SAMD5: variants seen among roughly 807,000 people sequenced by gnomAD.
SAMD5 encodes the protein sterile alpha motif domain-containing protein 5.
SAMD5 carries 13 observed loss-of-function variants against 11.3 expected under a neutral mutation model. That is an observed-to-expected ratio of 1.15 (90% CI 0.75 to 1.83). The LOEUF (loss-of-function observed/expected upper bound fraction) is 1.83. SAMD5 is among the 40% of genes most tolerant of loss of function. The pLI, the probability that SAMD5 is intolerant of heterozygous loss-of-function variation, is 0.00. For missense variants in SAMD5, 255 were observed against 239.1 expected, an observed-to-expected ratio of 1.07 and a Z score of -0.44; for synonymous variants, 129 against 111.3, an observed-to-expected ratio of 1.16 and a Z score of -1.00.
chr6:147,656,044 A>C (rs2128453839), intron 1 of SAMD5, among the ~76,000 whole-genome samples: 1 of 152,322 alleles, frequency 6.6e-6, no homozygotes, highest in Admixed American at 6.5e-5. Context: ...ATGGATCAAA[A>C]TCCAGTATAA....
At chr6:147,624,509 T>G (rs1790021753) in intron 1 of SAMD5, among the ~76,000 whole-genome samples, 2 of 152,258 alleles carry the variant, frequency 1.3e-5, no homozygotes, top group Non-Finnish European at 2.9e-5. Context: ...CCTGAGTTAC[T>G]TCACTTAGAA....
intron 1 of SAMD5, among the ~76,000 whole-genome samples, chr6:147,594,313 G>A (rs1789498156): frequency 6.6e-6 from 1 of 152,140 alleles, no homozygotes; most frequent in Non-Finnish European, 1.5e-5. Context: ...TTAGGTAAGA[G>A]CAGAACGTGG....
chr6:147,565,394 G>T lies in SAMD5; in HGVS notation c.*938G>T. 1.0e-6 allele frequency: 1 copy of T among 985,558 alleles called. No individual in the cohort carries two copies. Among genetic ancestry groups the T allele is most frequent in the Non-Finnish European group, 1.2e-6 (1 of 829,776 alleles). The allele number at this position is 985,558 out of a possible 1,614,324, so 61.1% of individuals were successfully genotyped here. A position where few individuals can be genotyped will look rare whatever the true frequency, so the allele number is the denominator to read the frequency against. On this transcript the variant is annotated 3_prime_UTR_variant, in exon 2 of 2. Coordinates refer to ENST00000367474, the MANE Select transcript of SAMD5 (RefSeq NM_001030060.3). Reference sequence around the variant, plus strand: ...AAGAAAGTAGATTGAGGTGGGGGGAGGAAATTAACAGGAATCTAGAGTTTT... The same window carrying T: ...AAGAAAGTAGATTGAGGTGGGGGGATGAAATTAACAGGAATCTAGAGTTTT...
the SAMD5 span, among the ~76,000 whole-genome samples, chr6:147,874,252 C>A: frequency 6.6e-6 from 1 of 152,108 alleles, no homozygotes; most frequent in Non-Finnish European, 1.5e-5. Flanking sequence ...AGGTCTTTAC[C>A]CATTTCATAT....
At chr6:147,913,510 A>C in the SAMD5 span, among the ~76,000 whole-genome samples, 4 of 152,192 alleles carry the variant, frequency 2.6e-5, no homozygotes, top group African/African-American at 4.8e-5. Context: ...AGCCTGGCCA[A>C]CATGGAGAAA....
At chr6:147,709,283 G>A (rs1791364954) in intron 1 of SAMD5, among the ~76,000 whole-genome samples, 1 of 152,182 alleles carries the variant, frequency 6.6e-6, no homozygotes, top group African/African-American at 2.4e-5. Flanking sequence ...AATCTCTTAA[G>A]ATATTAGGAT....
the SAMD5 span, among the ~76,000 whole-genome samples, chr6:147,895,612 A>G: frequency 6.6e-6 from 1 of 152,156 alleles, no homozygotes; most frequent in Non-Finnish European, 1.5e-5. Flanking sequence ...AAGCCGAGCA[A>G]ATGAGAGTAA....
At chr6:147,951,483 C>T in the SAMD5 span, among the ~76,000 whole-genome samples, 6,338 of 152,158 alleles carry the variant, frequency 0.042, 160 homozygotes, top group African/African-American at 0.053. Flanking sequence ...CCCTAATGCC[C>T]TTTCTATACC....
intron 1 of SAMD5, among the ~76,000 whole-genome samples, chr6:147,692,243 C>T (rs987512978): frequency 2.0e-5 from 3 of 152,112 alleles, no homozygotes; most frequent in Non-Finnish European, 2.9e-5. Context: ...TTCAACCCTG[C>T]GCAACTCTTA....
intron 1 of SAMD5, among the ~76,000 whole-genome samples, chr6:147,727,129 A>G (rs1017495031): frequency 3.3e-5 from 5 of 152,224 alleles, no homozygotes; most frequent in East Asian, 1.9e-4. Context: ...CTGCCTACCA[A>G]TTAAGTTTTA....
chr6:147,771,688 A>C, the SAMD5 span, among the ~76,000 whole-genome samples: 1 of 151,956 alleles, frequency 6.6e-6, no homozygotes, highest in African/African-American at 2.4e-5. Context: ...ACATTCTAGA[A>C]ATTGGTCCCA....
At chr6:147,763,510 T>G in the SAMD5 span, among the ~76,000 whole-genome samples, 2 of 151,380 alleles carry the variant, frequency 1.3e-5, no homozygotes, top group African/African-American at 4.9e-5. Flanking sequence ...TCTATTCATA[T>G]TTCCTTAGTT....
Position 147,565,573 on chromosome 6 carries a change from C to T in SAMD5, c.*1117C>T. The T allele has an allele frequency of 2.0e-6, 1 of 504,030 alleles. No homozygotes were observed. The highest frequency in any genetic ancestry group is 2.6e-6 in the Non-Finnish European group (1 of 390,526). The allele number at this position is 504,030 out of a possible 1,614,324, so 31.2% of individuals were successfully genotyped here. On this transcript the variant is annotated 3_prime_UTR_variant, in exon 2 of 2. Coordinates refer to ENST00000367474, the MANE Select transcript of SAMD5 (RefSeq NM_001030060.3). ...TCCCAGGTTCAAGGAATTCTCCTGC[C>T]TCGGCCTCTTGGTAGCTGGGATTAC...
chr6:147,591,048 T>C (rs1419506610), intron 1 of SAMD5, among the ~76,000 whole-genome samples: 1 of 152,126 alleles, frequency 6.6e-6, no homozygotes, highest in Non-Finnish European at 1.5e-5. Flanking sequence ...TTTAAAAAGC[T>C]GTTAAACAAT....
At chr6:147,783,395 G>T in the SAMD5 span, among the ~76,000 whole-genome samples, 678 of 150,420 alleles carry the variant, frequency 4.5e-3, 4 homozygotes, top group African/African-American at 0.016. Context: ...TTTTTTTGCG[G>T]GGGGTCGGGG....
At chr6:147,585,451 G>T (rs1275080792) in intron 1 of SAMD5, among the ~76,000 whole-genome samples, 4 of 152,054 alleles carry the variant, frequency 2.6e-5, no homozygotes, top group Admixed American at 2.0e-4. Context: ...AGCTGTGACG[G>T]GCTCAGTACT....
the SAMD5 span, among the ~76,000 whole-genome samples, chr6:147,786,162 T>C: frequency 1.3e-5 from 2 of 152,226 alleles, no homozygotes; most frequent in Non-Finnish European, 2.9e-5. Context: ...GCTTTCTTGT[T>C]TTTAACATAT....
rs938582109 is a variant in SAMD5, at chr6:147,718,521, T to C, written c.163-18796T>C. On this transcript the variant is annotated intron_variant, in intron 1 of 1. Transcript: ENST00000566741. ...ATTTTTATTTCAAGGTTTAAAATTT[T>C]CCACAATTTACTGAAGTAGAAAAAG... Among the ~76,000 whole-genome samples, 7 of 152,162 alleles carry C rather than the reference T, an allele frequency of 4.6e-5. No homozygotes were observed. The South Asian group carries it at 1.0e-3, about 23-fold the overall frequency.
intron 1 of SAMD5, among the ~76,000 whole-genome samples, chr6:147,611,628 T>C (rs1261512277): frequency 2.0e-5 from 3 of 152,156 alleles, no homozygotes; most frequent in Admixed American, 6.5e-5. Flanking sequence ...CACTGTGACC[T>C]GCAGTGGGGG....
Sources: allele counts gnomAD v4.1 joint callset (sites outside exome capture counted in the v4.1 genomes callset), GRCh38; gene constraint gnomAD v4.1.1; transcripts MANE v1.5; gene names NCBI Gene and HGNC (gene_info 2026-07-23, HGNC 2026-07-21).